The following BCLAF1 variants were observed in gnomAD, a reference collection of about 807,000 sequenced individuals.
BCLAF1 encodes bcl-2-associated transcription factor 1.
A neutral mutation model predicts 99.5 loss-of-function variants in BCLAF1; 10 were observed. The ratio of observed to expected loss-of-function variants is 0.10; its 90% CI spans 0.06 to 0.17. The LOEUF is 0.17. Ranked by LOEUF, BCLAF1 falls within the 10% of genes least tolerant of loss-of-function variation. BCLAF1 has a pLI of 1.00. For missense variants in BCLAF1, 636 were observed against 1,105.8 expected, an observed-to-expected ratio of 0.58 and a Z score of 6.02; for synonymous variants, 255 against 370.9, an observed-to-expected ratio of 0.69 and a Z score of 3.59.
At chr6:136,281,483 C>G (rs1054922978) in intron 2 of BCLAF1, among the ~76,000 whole-genome samples, 1 of 152,090 alleles carries the variant, frequency 6.6e-6, no homozygotes, top group Non-Finnish European at 1.5e-5. Flanking sequence ...CTGTCCCTCC[C>G]AAAGTTTTTA....
chr6:136,268,565 ATAG>A (rs767099461), intron 9 of BCLAF1: 2 of 468,092 alleles, frequency 4.3e-6, no homozygotes, highest in South Asian at 5.1e-5. Context: ...CAGTTAGAAA[ATAG>A]TAGTCTGTAA....
chr6:136,277,819 G>T, intron 4 of BCLAF1, 46 bp downstream of exon 4: 1 of 1,550,136 alleles, frequency 6.5e-7, no homozygotes, highest in Non-Finnish European at 8.7e-7. Context: ...AGAATTCAAA[G>T]AACAAAAACA....
chr6:136,269,344 C>T (rs776568088), intron 9 of BCLAF1, 93 bp downstream of exon 9: 6 of 1,570,068 alleles, frequency 3.8e-6, no homozygotes, highest in East Asian at 2.3e-5. Flanking sequence ...TTTAAACATT[C>T]GATTACACAG....
intron 2 of BCLAF1, among the ~76,000 whole-genome samples, chr6:136,282,142 A>G (rs1784458637): frequency 6.6e-6 from 1 of 152,234 alleles, no homozygotes; most frequent in South Asian, 2.1e-4. Flanking sequence ...AACGAAGAAA[A>G]TAACAGTACC....
In BCLAF1 at chr6:136,259,822, T is replaced by C. The variant is rs1027000598; in HGVS notation, c.*1288A>G. ...CACAACTAAATTAACAAATGAAATG[T>C]GTCTACTTTTATATATGCCCATAAA... On this transcript the variant is annotated 3_prime_UTR_variant, in exon 13 of 13. Transcript: ENST00000531224. The C allele has an allele frequency of 1.3e-5, 2 of 152,080 alleles. No homozygotes were observed. The highest frequency in any genetic ancestry group is 2.4e-5 in the African/African-American group (1 of 41,450). The allele number at this position is 152,080 out of a possible 1,614,324, so 9.4% of individuals were successfully genotyped here.
chr6:136,276,254 G>A lies in BCLAF1; in HGVS notation c.1271C>T (p.Ala424Val), dbSNP rs1281728520. The change falls in exon 5 of 13, where the codon GCT (alanine) becomes GTT (valine). Residue 424 changes from alanine to valine, a missense_variant. Ala to Val is a moderately conservative substitution (Grantham distance 64). Around this residue, in one of 9 missense-constraint regions of BCLAF1, gnomAD observed 186 missense variants for 275.3 expected, o/e 0.68. Coordinates refer to ENST00000531224, the MANE Select transcript of BCLAF1 (RefSeq NM_014739.3). ...SVLADQGKSFATASHRNTEEE... is the reference protein window; with the variant it reads ...SVLADQGKSFVTASHRNTEEE... ...CTCAGTATTCCGGTGAGATGCAGTAGCAAAACTTTTACCCTGATCTGCGAG... is the reference window on the plus strand; with the variant it reads ...CTCAGTATTCCGGTGAGATGCAGTAACAAAACTTTTACCCTGATCTGCGAG... 39 of 1,604,746 alleles carry A rather than the reference G, an allele frequency of 2.4e-5. No homozygotes were observed. The highest frequency in any genetic ancestry group is 3.1e-5 in the Non-Finnish European group (37 of 1,176,572).
intron 2 of BCLAF1, among the ~76,000 whole-genome samples, chr6:136,282,377 A>G (rs1335053395): frequency 6.6e-6 from 1 of 152,122 alleles, no homozygotes; most frequent in Non-Finnish European, 1.5e-5. Context: ...AAAAAGCAGG[A>G]GCACAACCTG....
rs1392141700 is a variant in BCLAF1, at chr6:136,273,069, G to A, written c.1958+13C>T. ...AACAACGTTTTTATATGCCAGTTCA[G>A]CAGGATACATACCTGTGTATTTCAG... On this transcript the variant is annotated intron_variant, in intron 7 of 12. Coordinates refer to ENST00000531224, the MANE Select transcript of BCLAF1 (RefSeq NM_014739.3). 6.3e-7 allele frequency: 1 copy of A among 1,588,090 alleles called. No individual in the cohort carries two copies. Among genetic ancestry groups the A allele is most frequent in the East Asian group, 2.2e-5 (1 of 44,656 alleles).
chr6:136,268,443 CT>C (rs763352339), intron 9 of BCLAF1, 104 bp from the exon 10 acceptor site: 2 of 1,006,008 alleles, frequency 2.0e-6, no homozygotes, highest in East Asian at 2.6e-5. Context: ...ACACTATCCC[CT>C]AATAAAATTA....
intron 4 of BCLAF1, 30 bp from the exon 5 acceptor site, chr6:136,276,538 C>G: frequency 1.3e-6 from 2 of 1,556,950 alleles, no homozygotes; most frequent in Non-Finnish European, 1.7e-6. Flanking sequence ...AGGATAGTAA[C>G]TCTGGATTGC....
At position 136,268,217 on chromosome 6, in the gene BCLAF1, T is replaced by C. The variant is rs751344692; in HGVS notation, c.2342A>G (p.His781Arg). ...KEREEEFKTH[H>R]EMKEYSGFAG... is the part of the protein sequence containing the mutation. ...AAAGCCTGAGTATTCTTTCATTTCA[T>C]GGTGAGTTTTAAATTCTTCTTCTCT... is the stretch of plus-strand genomic sequence containing the variant. Residue 781 changes from histidine to arginine, a missense_variant, in exon 10 of 13, where the codon CAT becomes CGT. Physicochemically the swap from His to Arg is conservative, Grantham distance 29 (BLOSUM62 0). Coordinates refer to ENST00000531224, the MANE Select transcript of BCLAF1 (RefSeq NM_014739.3). 2.1e-5 allele frequency: 33 copies of C among 1,571,250 alleles called. No homozygotes were observed. The highest frequency in any genetic ancestry group is 2.7e-5 in the Non-Finnish European group (32 of 1,164,030).
intron 8 of BCLAF1, 91 bp downstream of exon 8, chr6:136,271,904 A>G (rs1338859357): frequency 3.5e-6 from 3 of 853,974 alleles, no homozygotes; most frequent in Non-Finnish European, 3.8e-6. Flanking sequence ...GAAGATATCT[A>G]TAGACATTTT....
intron 7 of BCLAF1, 68 bp downstream of exon 7, chr6:136,273,014 A>C: frequency 1.8e-6 from 2 of 1,141,312 alleles, no homozygotes; most frequent in South Asian, 2.9e-5. Context: ...CTTCCAATAC[A>C]ATCTTGTTTT....
chr6:136,288,147 C>T (rs963717269), intron 1 of BCLAF1, among the ~76,000 whole-genome samples: 2 of 152,204 alleles, frequency 1.3e-5, no homozygotes, highest in East Asian at 3.9e-4. Flanking sequence ...GCTTCCTTTG[C>T]CACCATTTTA....
rs1036467760 is a variant in BCLAF1 at position 136,259,232 on chromosome 6, T to TAAAA, written c.*1874_*1877dup. ...AAGGTTAAAGCAATGCATTTGAACT[T>TAAAA]AAAATATAACCTGCCCACAGGAATT... On this transcript the variant is annotated 3_prime_UTR_variant, in exon 13 of 13. Coordinates refer to ENST00000531224, the MANE Select transcript of BCLAF1 (RefSeq NM_014739.3). 4 of 152,016 alleles carry TAAAA rather than the reference T, an allele frequency of 2.6e-5. No homozygotes were observed. Among genetic ancestry groups the TAAAA allele is most frequent in the Admixed American group, 6.6e-5 (1 of 15,266 alleles). The allele number at this position is 152,016 out of a possible 1,614,324, so 9.4% of individuals were successfully genotyped here. A position where few individuals can be genotyped will look rare whatever the true frequency, so the allele number is the denominator to read the frequency against.
chr6:136,274,273 C>A (rs1782939046), intron 6 of BCLAF1: 8 of 500,972 alleles, frequency 1.6e-5, no homozygotes, highest in South Asian at 2.6e-5. Context: ...TGCACAATAC[C>A]AATTATGAAA....
chr6:136,273,075 T>C lies in BCLAF1; in HGVS notation c.1958+7A>G. The C allele has an allele frequency of 6.2e-7, 1 of 1,604,856 alleles. No homozygotes were observed. The highest frequency in any genetic ancestry group is 1.1e-5 in the South Asian group (1 of 90,660). Reference sequence around the variant, plus strand: ...GTTTTTATATGCCAGTTCAGCAGGATACATACCTGTGTATTTCAGGGCTCT... The same window carrying C: ...GTTTTTATATGCCAGTTCAGCAGGACACATACCTGTGTATTTCAGGGCTCT... On this transcript the variant is annotated splice_region_variant and intron_variant, in intron 7 of 12. Coordinates refer to ENST00000531224, the MANE Select transcript of BCLAF1 (RefSeq NM_014739.3).
rs190347609 is a variant in BCLAF1, at chr6:136,263,713, C to G, written c.2545-2236G>C. 5.3e-5 allele frequency among the ~76,000 whole-genome samples: 8 copies of G among 152,216 alleles called. No homozygotes were observed. In the East Asian group the frequency reaches 1.2e-3, roughly 22 times the overall value. ...TCCAATCCTGAACCCCCTTCCCCAC[C>G]AACGATTTTCTCTTCCTTTGAAGAC... On this transcript the variant is annotated intron_variant, in intron 11 of 12. Transcript: ENST00000531224.
intron 10 of BCLAF1, among the ~76,000 whole-genome samples, chr6:136,267,789 G>C (rs1238071972): frequency 6.6e-6 from 1 of 151,984 alleles, no homozygotes; most frequent in Non-Finnish European, 1.5e-5. Flanking sequence ...CAAAATGAAT[G>C]TAACTGTAAT....
Sources: gnomAD v4.1 joint callset for allele counts (sites outside exome capture counted in the v4.1 genomes callset) on GRCh38, gnomAD v4.1.1 for gene constraint, gnomAD v4.1.1 regional missense constraint, MANE v1.5 for transcripts, NCBI Gene and HGNC (gene_info 2026-07-23, HGNC 2026-07-21) for gene names.